The following PAAF1 variants were observed in gnomAD, a reference collection of about 807,000 sequenced individuals.
PAAF1 encodes proteasomal ATPase associated factor 1, also known as proteasomal ATPase-associated factor 1.
In PAAF1, 46 loss-of-function variants were observed where a neutral mutation model predicts 52.8. That is an observed-to-expected ratio of 0.87 (90% CI 0.69 to 1.11). The LOEUF is 1.11. Among genes scored for constraint, PAAF1 ranks in the 50% most tolerant of loss-of-function variants. The probability of loss-of-function intolerance (pLI) is 0.00; values close to 1 mark genes in which losing one functional copy is unlikely to be tolerated. For missense variants in PAAF1, 424 were observed against 477.4 expected (o/e 0.89, Z 1.04); for synonymous variants, 178 against 172.8 (o/e 1.03, Z -0.24).
intron 2 of PAAF1, chr11:73,879,966 G>A (rs1006555252): frequency 5.3e-5 from 8 of 151,992 alleles, no homozygotes; most frequent in African/African-American, 1.5e-4. Context: ...AAGGCCAGAC[G>A]TGGGGGCTCA....
chr11:73,905,039 G>A (rs1949720786), intron 6 of PAAF1, among the ~76,000 whole-genome samples: 1 of 152,110 alleles, frequency 6.6e-6, no homozygotes, highest in Admixed American at 6.6e-5. Context: ...GATCTCTTGA[G>A]GCCAGGAGTT....
At chr11:73,896,932 C>T (rs1212340399) in intron 4 of PAAF1, among the ~76,000 whole-genome samples, 1 of 148,286 alleles carries the variant, frequency 6.7e-6, no homozygotes, top group Non-Finnish European at 1.5e-5. Flanking sequence ...GGGGGGCTGA[C>T]CCCCCAGACC....
chr11:73,910,378 G>A (rs1164196513), intron 7 of PAAF1, among the ~76,000 whole-genome samples: 2 of 152,186 alleles, frequency 1.3e-5, no homozygotes, highest in Non-Finnish European at 2.9e-5. Flanking sequence ...TAGGACAATG[G>A]GAGCTAGGGC....
intron 10 of PAAF1, chr11:73,922,019 A>G (rs73549995): frequency 4.9e-6 from 4 of 811,058 alleles, no homozygotes; most frequent in Middle Eastern, 3.5e-4. Context: ...TCTTAACTTC[A>G]TAGTTTTTGA....
At chr11:73,893,730 T>C (rs1363409310) in intron 4 of PAAF1, among the ~76,000 whole-genome samples, 2 of 88,746 alleles carry the variant, frequency 2.3e-5, no homozygotes, top group East Asian at 3.3e-4. Context: ...AAAGTGAAAC[T>C]CTGTCTCCAA....
At position 73,878,781 on chromosome 11, in the gene PAAF1, A is replaced by G. The variant is rs759471442; in HGVS notation, c.50A>G (p.Lys17Arg). 1 of 1,613,412 alleles carries G rather than the reference A, an allele frequency of 6.2e-7. No individual in the cohort carries two copies. The highest frequency in any genetic ancestry group is 1.1e-5 in the South Asian group (1 of 90,962). ...TAGGCTTTTGTCTTTCTTCGTAGGA[A>G]GGATGAAGGGGAGGCCTGGCTGAGC... ...IQSDWAQALR[K>R]DEGEAWLSCH... is the part of the protein sequence containing the mutation. Residue 17 changes from lysine (K) to arginine (R), a missense_variant and splice_region_variant, in exon 2 of 12, where the codon AAG becomes AGG. Coordinates refer to ENST00000310571, the MANE Select transcript of PAAF1 (RefSeq NM_025155.3).
At chr11:73,889,256 A>G (rs1268154306) in intron 3 of PAAF1, 4 of 1,334,012 alleles carry the variant, frequency 3.0e-6, no homozygotes, top group Non-Finnish European at 3.9e-6. Context: ...GTAAGTGCTT[A>G]TGGTTGAACA....
chr11:73,897,031 C>A, intron 4 of PAAF1, among the ~76,000 whole-genome samples: 1 of 140,642 alleles, frequency 7.1e-6, no homozygotes. Context: ...CAGAGGGGCT[C>A]CTCACTTCCC....
At chr11:73,884,130 T>A (rs1219308497) in intron 2 of PAAF1, among the ~76,000 whole-genome samples, 1 of 152,216 alleles carries the variant, frequency 6.6e-6, no homozygotes, top group East Asian at 1.9e-4. Flanking sequence ...ATGTAGAAGG[T>A]AAGTGGTTGG....
At chr11:73,907,598 G>A (rs1156674022) in intron 6 of PAAF1, among the ~76,000 whole-genome samples, 1 of 152,156 alleles carries the variant, frequency 6.6e-6, no homozygotes, top group Non-Finnish European at 1.5e-5. Context: ...GGTGGGGATG[G>A]AAACTGAGCT....
chr11:73,888,716 T>G, intron 3 of PAAF1: 1 of 188,690 alleles, frequency 5.3e-6, no homozygotes, highest in Non-Finnish European at 1.1e-5. Context: ...ATATTTTATA[T>G]TTGTTTTTCA....
chr11:73,884,362 T>G (rs1396384698), intron 2 of PAAF1, among the ~76,000 whole-genome samples: 2 of 151,980 alleles, frequency 1.3e-5, no homozygotes, highest in East Asian at 3.9e-4. Context: ...AAAAAATAGC[T>G]GGGCATGGTG....
At chr11:73,916,502 A>T in intron 8 of PAAF1, 43 bp from the exon 9 acceptor site, 1 of 1,353,736 alleles carries the variant, frequency 7.4e-7, no homozygotes, top group South Asian at 1.3e-5. Flanking sequence ...CTTGGAAACA[A>T]ATTAATCTTT....
At chr11:73,918,807 C>T in intron 9 of PAAF1, 143 bp from the exon 10 acceptor site, 1 of 659,706 alleles carries the variant, frequency 1.5e-6, no homozygotes. Context: ...AAGGTTCTTG[C>T]CAGGAAAGAA....
At chr11:73,894,110 A>T (rs1337266832) in intron 4 of PAAF1, among the ~76,000 whole-genome samples, 1 of 152,162 alleles carries the variant, frequency 6.6e-6, no homozygotes, top group East Asian at 1.9e-4. Flanking sequence ...GCCTTTATAC[A>T]TCATTTTTTA....
intron 6 of PAAF1, among the ~76,000 whole-genome samples, chr11:73,905,644 A>T (rs984498870): frequency 6.6e-6 from 1 of 152,070 alleles, no homozygotes; most frequent in African/African-American, 2.4e-5. Context: ...ATGCTGTTAC[A>T]TTATGAGTGA....
chr11:73,922,193 C>T, intron 10 of PAAF1: 1 of 855,840 alleles, frequency 1.2e-6, no homozygotes, highest in Non-Finnish European at 1.9e-6. Flanking sequence ...AAGCTGGCAT[C>T]TTGGTGGCGC....
intron 7 of PAAF1, among the ~76,000 whole-genome samples, chr11:73,914,130 A>G (rs1950002878): frequency 6.6e-6 from 1 of 152,230 alleles, no homozygotes; most frequent in South Asian, 2.1e-4. Flanking sequence ...TCTTTTACAT[A>G]TGGTAAAAGT....
At chr11:73,877,633 C>T (rs1345467285) in intron 1 of PAAF1, among the ~76,000 whole-genome samples, 1 of 152,130 alleles carries the variant, frequency 6.6e-6, no homozygotes, top group Non-Finnish European at 1.5e-5. Flanking sequence ...TGCCTGTAAT[C>T]CCAGCACTTT....
Sources: allele counts gnomAD v4.1 joint callset (sites outside exome capture counted in the v4.1 genomes callset), GRCh38; gene constraint gnomAD v4.1.1; transcripts MANE v1.5; gene names NCBI Gene and HGNC (gene_info 2026-07-23, HGNC 2026-07-21).